The following ATP2A1 variants were observed in gnomAD, a reference collection of about 807,000 sequenced individuals.
ATP2A1 encodes the protein sarcoplasmic/endoplasmic reticulum calcium ATPase 1.
A neutral mutation model predicts 109.5 loss-of-function variants in ATP2A1; 83 were observed. The observed-to-expected ratio is 0.76, with a 90% CI of 0.63 to 0.91. The LOEUF (loss-of-function observed/expected upper bound fraction) is 0.91, where lower values mean the gene tolerates loss of function less well. Ranked by LOEUF, ATP2A1 falls within the 40% of genes least tolerant of loss-of-function variation. The pLI is 0.00. For synonymous variants in ATP2A1, 505 were observed against 537.6 expected (o/e 0.94, Z 0.84); for missense variants, 1,101 against 1,341.0 (o/e 0.82, Z 2.80).
chr16:28,893,222 A>C (rs79412536), intron 9 of ATP2A1, among the ~76,000 whole-genome samples: 4 of 123,458 alleles, frequency 3.2e-5, no homozygotes, highest in Admixed American at 7.7e-5. Context: ...AATTTCTACC[A>C]AAAAAAAAAA....
chr16:28,878,876 T>A (rs1963358970), intron 1 of ATP2A1, 87 bp downstream of exon 1: 3 of 1,469,158 alleles, frequency 2.0e-6, no homozygotes, highest in Non-Finnish European at 2.9e-6. Context: ...GTTTCTCCCT[T>A]CAGGGTTTCT....
chr16:28,896,949 C>T (rs941373745), intron 12 of ATP2A1, among the ~76,000 whole-genome samples: 21 of 151,810 alleles, frequency 1.4e-4, no homozygotes, highest in Non-Finnish European at 2.2e-4. Flanking sequence ...GACATGGTGG[C>T]GTGTGCCTGT....
chr16:28,891,199 G>A (rs565350514), intron 9 of ATP2A1, among the ~76,000 whole-genome samples: 1 of 152,148 alleles, frequency 6.6e-6, no homozygotes, highest in East Asian at 2.0e-4. Flanking sequence ...AGGAGGCTGA[G>A]GCAGGAGAAT....
chr16:28,881,564 GC>G (rs1963481618), intron 4 of ATP2A1: 1 of 195,628 alleles, frequency 5.1e-6, no homozygotes, highest in Non-Finnish European at 1.1e-5. Flanking sequence ...ACTTTGGGAG[GC>G]CGAGGCGGGT....
Position 28,888,870 on chromosome 16 carries a change from T to C in ATP2A1, c.1012T>C (p.Ser338Pro). The part of the protein sequence containing the change: ...KKNAIVRSLP[S>P]VETLGCTSVI... ...GAATGCCATTGTAAGAAGCTTGCCC[T>C]CCGTAGAGACCCTGGGCTGCACCTC... Residue 338 changes from serine (S) to proline (P), a missense_variant, in exon 9 of 23, where the codon TCC (serine) becomes CCC (proline). By Grantham distance (74) the Ser-to-Pro change is moderately conservative (BLOSUM62 -1). Transcript: ENST00000395503. 1 of 1,610,972 alleles carries C rather than the reference T, an allele frequency of 6.2e-7. No homozygotes were observed. The highest frequency in any genetic ancestry group is 8.5e-7 in the Non-Finnish European group (1 of 1,178,028).
chr16:28,903,572 T>C lies in ATP2A1; in HGVS notation c.2981-128T>C. The C allele has an allele frequency of 1.7e-6, 2 of 1,202,858 alleles. No individual in the cohort carries two copies. Among genetic ancestry groups the C allele is most frequent in the Non-Finnish European group, 2.5e-6 (2 of 806,602 alleles). The allele number at this position is 1,202,858 out of a possible 1,614,324, so 74.5% of individuals were successfully genotyped here. On this transcript the variant is annotated intron_variant, in intron 21 of 22. Transcript: ENST00000395503. The surrounding 1 kb of genome is among the most constrained non-coding windows in gnomAD (Gnocchi z 5.6). Reference sequence around the variant, plus strand: ...CTGGCAGGACCTGTGTCCGCCCCGTTCCCCCTGCGCCTGCAGGGGCCACAT... The same window carrying C: ...CTGGCAGGACCTGTGTCCGCCCCGTCCCCCCTGCGCCTGCAGGGGCCACAT...
rs1479485745 is a variant in ATP2A1, at chr16:28,894,540, A to G, written c.1220A>G (p.Tyr407Cys). 2 of 1,614,076 alleles carry G rather than the reference A, an allele frequency of 1.2e-6. No homozygotes were observed. The highest frequency in any genetic ancestry group is 8.5e-7 in the Non-Finnish European group (1 of 1,180,026). The change falls in exon 11 of 23, where the codon TAT becomes TGT. Residue 407 changes from tyrosine (Y) to cysteine (C), a missense_variant. Physicochemically the swap from Tyr to Cys is radical, Grantham distance 194. Coordinates refer to ENST00000395503, the MANE Select transcript of ATP2A1 (RefSeq NM_004320.6). ...KNDKPVRPGQ[Y>C]DGLVELATIC... The stretch of plus-strand genomic sequence containing the variant: ...GATAAGCCAGTCCGGCCAGGGCAGT[A>G]TGACGGGCTGGTGGAGCTGGCCACC...
At position 28,903,069 on chromosome 16, in the gene ATP2A1, G is replaced by A; in HGVS notation, c.2784G>A (p.Trp928Ter). The A allele has an allele frequency of 6.2e-7, 1 of 1,613,800 alleles. No individual in the cohort carries two copies. Residue 928 changes from tryptophan to a stop codon, truncating the protein, a stop_gained, in exon 20 of 23, where the codon TGG (tryptophan) becomes TGA (stop). Transcript: ENST00000395503. LOFTEE classifies it high-confidence loss of function. The surrounding 1 kb of genome is among the most constrained non-coding windows in gnomAD (Gnocchi z 5.6). Reference sequence around the variant, plus strand: ...AGTCCCTGCTGCGGATGCCACCCTGGGTGAACATCTGGCTGCTGGGCTCCA... The same window carrying A: ...AGTCCCTGCTGCGGATGCCACCCTGAGTGAACATCTGGCTGCTGGGCTCCA... ...ENQSLLRMPPWVNIWLLGSIC... is the reference protein window; with the variant it reads ...ENQSLLRMPP
intron 9 of ATP2A1, 111 bp from the exon 10 acceptor site, chr16:28,894,044 A>T: frequency 1.2e-6 from 1 of 860,144 alleles, no homozygotes; most frequent in Non-Finnish European, 1.9e-6. Flanking sequence ...GGTGAGTAGG[A>T]GGGAAATGGT....
In ATP2A1 at chr16:28,894,199, T is replaced by C. The variant is rs893219965; in HGVS notation, c.1140T>C (p.Asn380=). The change falls in exon 10 of 23, where the codon AAT becomes AAC. Residue 380 remains asparagine (N), a synonymous_variant. Transcript: ENST00000395503. ...DKVDGDICLL[N]EFSITGSTYA... ...TGGATGGGGACATCTGCCTCCTGAA[T>C]GAGTTCTCCATCACCGGCTCCACTT... The C allele has an allele frequency of 1.9e-6, 3 of 1,614,006 alleles. No individual in the cohort carries two copies. Among genetic ancestry groups the C allele is most frequent in the East Asian group, 2.2e-5 (1 of 44,870 alleles).
At chr16:28,890,180 C>T (rs1250467858) in intron 9 of ATP2A1, among the ~76,000 whole-genome samples, 1 of 151,468 alleles carries the variant, frequency 6.6e-6, no homozygotes, top group Non-Finnish European at 1.5e-5. Flanking sequence ...ATAAAATAAG[C>T]CAGGGGTGGT....
chr16:28,879,099 A>G lies in ATP2A1; in HGVS notation c.119A>G (p.Glu40Gly). The change falls in exon 2 of 23, where the codon GAG (glutamate) becomes GGG (glycine). Residue 40 changes from glutamate (E) to glycine (G), a missense_variant and splice_region_variant. Coordinates refer to ENST00000395503, the MANE Select transcript of ATP2A1 (RefSeq NM_004320.6). ...KRNLEKYGLN[E>G]LPAEEGKTLW... ...TCCTTTTCTTCTTTTTCCTGGGTAG[A>G]GCTCCCTGCTGAGGAAGGTAAGTTA... 2 of 1,614,022 alleles carry G rather than the reference A, an allele frequency of 1.2e-6. No individual in the cohort carries two copies. The highest frequency in any genetic ancestry group is 1.7e-6 in the Non-Finnish European group (2 of 1,179,982).
At chr16:28,884,741 AACCC>A in intron 6 of ATP2A1, 86 bp downstream of exon 6, 2 of 1,299,934 alleles carry the variant, frequency 1.5e-6, no homozygotes, top group Non-Finnish European at 2.1e-6. Flanking sequence ...AAAGACAGAG[AACCC>A]TCACTGTCTG....
rs1328307449 is a variant in ATP2A1, at chr16:28,903,749, C to T, written c.*37+8C>T. The T allele has an allele frequency of 6.2e-6, 10 of 1,612,890 alleles. No individual in the cohort carries two copies. Among genetic ancestry groups the T allele is most frequent in the Non-Finnish European group, 8.5e-6 (10 of 1,178,928 alleles). ...TCTGAGCCCGTGTCACAGGTATCAC[C>T]CCCTTCTTGCCCTCAGCCCAGCTGC... On this transcript the variant is annotated splice_region_variant and intron_variant, in intron 22 of 22. Coordinates refer to ENST00000395503, the MANE Select transcript of ATP2A1 (RefSeq NM_004320.6). The surrounding 1 kb of genome is among the most constrained non-coding windows in gnomAD (Gnocchi z 5.6).
At chr16:28,879,045 G>T (rs769373031) in intron 1 of ATP2A1, 54 bp from the exon 2 acceptor site, 2 of 1,611,442 alleles carry the variant, frequency 1.2e-6, no homozygotes, top group South Asian at 2.2e-5. Flanking sequence ...GGGTGTGGGG[G>T]GCATGAGGCT....
intron 3 of ATP2A1, 137 bp downstream of exon 3, chr16:28,879,720 G>C (rs1963400178): frequency 9.3e-7 from 1 of 1,071,226 alleles, no homozygotes; most frequent in Non-Finnish European, 1.4e-6. Context: ...CTGGCGCGCA[G>C]CAGCGGGTGT....
Position 28,904,391 on chromosome 16 carries a change from C to T in ATP2A1, c.*249C>T, listed in dbSNP as rs1020001725. The T allele has an allele frequency of 5.9e-6, 9 of 1,536,088 alleles. No homozygotes were observed. The highest frequency in any genetic ancestry group is 4.9e-5 in the East Asian group (2 of 41,008). ...CCTTGTAAATTCCCCTTCCCAACCC[C>T]GAGGGGCTTGCAGGGACAAGGCGAC... On this transcript the variant is annotated 3_prime_UTR_variant, in exon 23 of 23. Transcript: ENST00000395503.
In ATP2A1 at chr16:28,883,253, G is replaced by A. The variant is rs1963536942; in HGVS notation, c.463+664G>A. On this transcript the variant is annotated intron_variant, in intron 5 of 22. Transcript: ENST00000395503. The surrounding 1 kb of genome is among the most constrained non-coding windows in gnomAD (Gnocchi z 5.2). ...TTCCCGAAGCTCCAGGCCCCTGCCAGGGGGAATGGCTCTTCAGAGGCCTCC... is the reference window on the plus strand; with the variant it reads ...TTCCCGAAGCTCCAGGCCCCTGCCAAGGGGAATGGCTCTTCAGAGGCCTCC... 6.6e-6 allele frequency among the ~76,000 whole-genome samples: 1 copy of A among 152,212 alleles called. No homozygotes were observed. Among genetic ancestry groups the A allele is most frequent in the Non-Finnish European group, 1.5e-5 (1 of 68,022 alleles).
rs17358656 is a variant in ATP2A1, at chr16:28,903,725, C to G, written c.*21C>G. On this transcript the variant is annotated 3_prime_UTR_variant, in exon 22 of 23. Transcript: ENST00000395503. This position sits in a 1 kb window ranked among gnomAD's most constrained non-coding sequence, Gnocchi z 5.6. ...GATAACTGTTCCCCCTCCTCCATCTCTGAGCCCGTGTCACAGGTATCACCC... is the reference window on the plus strand; with the variant it reads ...GATAACTGTTCCCCCTCCTCCATCTGTGAGCCCGTGTCACAGGTATCACCC... 6.2e-7 allele frequency: 1 copy of G among 1,613,954 alleles called. No homozygotes were observed. The highest frequency in any genetic ancestry group is 8.5e-7 in the Non-Finnish European group (1 of 1,179,888).
Sources: gnomAD v4.1 joint callset for allele counts (sites outside exome capture counted in the v4.1 genomes callset) on GRCh38, gnomAD v4.1.1 for gene constraint, Gnocchi (gnomAD v3.1) non-coding constraint, MANE v1.5 for transcripts, NCBI Gene and HGNC (gene_info 2026-07-23, HGNC 2026-07-21) for gene names.